The following COL12A1 variants were observed in gnomAD, a reference collection of about 807,000 sequenced individuals.
COL12A1 encodes collagen type XII alpha 1 chain.
Under a neutral mutation model 349.7 loss-of-function variants are expected in COL12A1, and 114 were observed. That is an observed-to-expected ratio of 0.33 (90% CI 0.28 to 0.38). The LOEUF (loss-of-function observed/expected upper bound fraction) is 0.38, where lower values mean the gene tolerates loss of function less well. Ranked by LOEUF, COL12A1 falls within the 10% of genes least tolerant of loss-of-function variation. The pLI is 1.00. For missense variants in COL12A1, 3,284 were observed against 3,756.9 expected (o/e 0.87, Z 3.29); for synonymous variants, 1,369 against 1,329.0 (o/e 1.03, Z -0.66).
chr6:75,135,397 T>C (rs240731), intron 31 of COL12A1, among the ~76,000 whole-genome samples: 93,866 of 151,970 alleles, frequency 0.62, 29,508 homozygotes, highest in East Asian at 0.83. Context: ...CCAGACCTTT[T>C]GCCAGGCCAC....
chr6:75,137,594 T>C lies in COL12A1; in HGVS notation c.5252-15A>G. 4 of 1,613,322 alleles carry C rather than the reference T, an allele frequency of 2.5e-6. No homozygotes were observed. The highest frequency in any genetic ancestry group is 3.4e-6 in the Non-Finnish European group (4 of 1,179,678). ...ACTTTTGGGAGCTGAAAGAAGATTG[T>C]TGAAAAACTGAGTAAGCAGACAGAA... On this transcript the variant is annotated splice_polypyrimidine_tract_variant and intron_variant, in intron 30 of 65. Transcript: ENST00000322507.
chr6:75,177,851 A>G lies in COL12A1; in HGVS notation c.2249T>C (p.Val750Ala), dbSNP rs764336826. The change falls in exon 12 of 66, where the codon GTT becomes GCT. Residue 750 changes from valine (V) to alanine (A), a missense_variant. Physicochemically the swap from Val to Ala is moderately conservative, Grantham distance 64. Coordinates refer to ENST00000322507, the MANE Select transcript of COL12A1 (RefSeq NM_004370.6). The stretch of plus-strand genomic sequence containing the variant: ...TCTATATATAATTCGATATCTTAAA[A>G]CTCTCCCTGGAGCTTGAGTCCAAGT... The part of the protein sequence containing the change: ...KITWTQAPGR[V>A]LRYRIIYRPV... 2 of 1,611,940 alleles carry G rather than the reference A, an allele frequency of 1.2e-6. No homozygotes were observed. The highest frequency in any genetic ancestry group is 2.2e-5 in the South Asian group (2 of 91,000).
Position 75,142,167 on chromosome 6 carries a change from A to G in COL12A1, c.4828-6T>C. On this transcript the variant is annotated splice_polypyrimidine_tract_variant and splice_region_variant and intron_variant, in intron 26 of 65. Transcript: ENST00000322507. ...TCTGATCTGTCCACCTCTACCTATA[A>G]CAGTAACAGAGCAGTGGAACTACTT... 1 of 1,613,978 alleles carries G rather than the reference A, an allele frequency of 6.2e-7. No individual in the cohort carries two copies.
intron 33 of COL12A1, 113 bp downstream of exon 33, chr6:75,133,745 A>G (rs1766431801): frequency 8.3e-7 from 1 of 1,203,000 alleles, no homozygotes; most frequent in Non-Finnish European, 1.2e-6. Context: ...TTATTAAATG[A>G]ATATGAAATT....
At chr6:75,159,552 A>G (rs1333862565) in intron 14 of COL12A1, among the ~76,000 whole-genome samples, 1 of 151,092 alleles carries the variant, frequency 6.6e-6, no homozygotes, top group Non-Finnish European at 1.5e-5. Flanking sequence ...AAAATAATCT[A>G]TTTGGATTAT....
intron 8 of COL12A1, among the ~76,000 whole-genome samples, chr6:75,185,693 T>C (rs191220394): frequency 1.3e-5 from 2 of 151,882 alleles, no homozygotes; most frequent in African/African-American, 4.8e-5. Flanking sequence ...ATGCTGGAGG[T>C]GCAGGCTATC....
intron 47 of COL12A1, among the ~76,000 whole-genome samples, 195 bp downstream of exon 47, chr6:75,117,187 A>C (rs1169443532): frequency 6.6e-6 from 1 of 152,204 alleles, no homozygotes; most frequent in Admixed American, 6.5e-5. Context: ...TTACATATTC[A>C]AGGCTAAAAA....
chr6:75,156,670 A>C (rs1346447713), intron 14 of COL12A1, 147 bp from the exon 15 acceptor site: 1 of 819,614 alleles, frequency 1.2e-6, no homozygotes, highest in Non-Finnish European at 1.9e-6. Context: ...TCATAAATTC[A>C]TGATGGCGTG....
intron 52 of COL12A1, among the ~76,000 whole-genome samples, chr6:75,107,306 T>C (rs1768616392): frequency 6.6e-6 from 1 of 152,204 alleles, no homozygotes; most frequent in Non-Finnish European, 1.5e-5. Flanking sequence ...GGAGTCTCAC[T>C]GTTGCCCAGG....
At chr6:75,091,153 A>G (rs781729406) in intron 62 of COL12A1, among the ~76,000 whole-genome samples, 170 bp downstream of exon 62, 11 of 152,232 alleles carry the variant, frequency 7.2e-5, no homozygotes, top group Non-Finnish European at 1.3e-4. Flanking sequence ...TCTTTAAAAT[A>G]TCATTAACTT....
At chr6:75,123,875 C>A (rs1193335925) in intron 42 of COL12A1, 73 bp downstream of exon 42, 1 of 1,482,880 alleles carries the variant, frequency 6.7e-7, no homozygotes, top group Admixed American at 2.0e-5. Context: ...ACAGGATTCA[C>A]TTAAGTCTTC....
In COL12A1 at chr6:75,191,778, T is replaced by C; in HGVS notation, c.335-18A>G. 1 of 1,551,082 alleles carries C rather than the reference T, an allele frequency of 6.4e-7. No individual in the cohort carries two copies. Among genetic ancestry groups the C allele is most frequent in the Non-Finnish European group, 8.7e-7 (1 of 1,145,968 alleles). Reference sequence around the variant, plus strand: ...TGTTTGAACTAAGTTAAAACTTTATTATTACAAAAGGAAATGAACCCAAGC... The same window carrying C: ...TGTTTGAACTAAGTTAAAACTTTATCATTACAAAAGGAAATGAACCCAAGC... On this transcript the variant is annotated intron_variant, in intron 4 of 65. Transcript: ENST00000322507.
rs146074246 is a variant in COL12A1 at position 75,136,467 on chromosome 6, G to T, written c.5394+970C>A. ...AGCTTACTTACTGGGTAGTATCAGA[G>T]ATCTTTAACCACACACCTTAGATTA... On this transcript the variant is annotated intron_variant, in intron 31 of 65. Coordinates refer to ENST00000322507, the MANE Select transcript of COL12A1 (RefSeq NM_004370.6). Among the ~76,000 whole-genome samples, 64 of 152,292 alleles carry T rather than the reference G, an allele frequency of 4.2e-4. 1 individual carries two copies. Among genetic ancestry groups the T allele is most frequent in the Admixed American group, 2.4e-3 (36 of 15,290 alleles).
chr6:75,146,529 A>G (rs750607904), intron 23 of COL12A1, among the ~76,000 whole-genome samples: 9 of 152,178 alleles, frequency 5.9e-5, no homozygotes, highest in Non-Finnish European at 1.2e-4. Flanking sequence ...ATAGATACCA[A>G]CTTCCTGATA....
At position 75,151,895 on chromosome 6, in the gene COL12A1, C is replaced by T; in HGVS notation, c.3972G>A (p.Lys1324=). The part of the protein sequence containing the change: ...DDVEAPSKKL[K]DEGVELFAIG... ...TAGCAAACAGCTCCACTCCCTCATCCTTGAGTTTCTTTGAAGGTGCTTCAA... is the reference window on the plus strand; with the variant it reads ...TAGCAAACAGCTCCACTCCCTCATCTTTGAGTTTCTTTGAAGGTGCTTCAA... The change falls in exon 20 of 66, where the codon AAG becomes AAA. Residue 1324 remains lysine, a synonymous_variant. Transcript: ENST00000322507. The T allele has an allele frequency of 2.5e-6, 4 of 1,613,750 alleles. No individual in the cohort carries two copies. The highest frequency in any genetic ancestry group is 3.4e-6 in the Non-Finnish European group (4 of 1,179,770).
chr6:75,099,352 G>A (rs1768196624), intron 58 of COL12A1, among the ~76,000 whole-genome samples: 1 of 152,064 alleles, frequency 6.6e-6, no homozygotes, highest in South Asian at 2.1e-4. Flanking sequence ...GGCCACTTAA[G>A]AAAAAAATTC....
In COL12A1 at chr6:75,175,330, C is replaced by T. The variant is rs1217699779; in HGVS notation, c.2438-20G>A. On this transcript the variant is annotated intron_variant, in intron 12 of 65. Coordinates refer to ENST00000322507, the MANE Select transcript of COL12A1 (RefSeq NM_004370.6). ...CTCTAACTTCATTAAAAAATGACAA[C>T]ATCATCAAAACCCATTATTTAAAAA... 1 of 1,603,842 alleles carries T rather than the reference C, an allele frequency of 6.2e-7. No homozygotes were observed. Among genetic ancestry groups the T allele is most frequent in the Non-Finnish European group, 8.5e-7 (1 of 1,175,646 alleles).
At chr6:75,097,801 C>G (rs1232607244) in intron 58 of COL12A1, among the ~76,000 whole-genome samples, 2 of 152,208 alleles carry the variant, frequency 1.3e-5, no homozygotes, top group Non-Finnish European at 2.9e-5. Flanking sequence ...CTTCCTTTGT[C>G]TGCTGGGAAT....
At chr6:75,136,765 C>G (rs571360375) in intron 31 of COL12A1, among the ~76,000 whole-genome samples, 7 of 152,144 alleles carry the variant, frequency 4.6e-5, no homozygotes, top group African/African-American at 1.4e-4. Flanking sequence ...TTACATAGTT[C>G]ACAAAAGGCA....
Sources: allele counts gnomAD v4.1 joint callset (sites outside exome capture counted in the v4.1 genomes callset), GRCh38; gene constraint gnomAD v4.1.1; transcripts MANE v1.5; gene names NCBI Gene and HGNC (gene_info 2026-07-23, HGNC 2026-07-21).